DLGAP2: variants seen among roughly 807,000 people sequenced by gnomAD.
The protein encoded by DLGAP2 is DLG associated protein 2, also known as disks large-associated protein 2.
A neutral mutation model predicts 100.3 loss-of-function variants in DLGAP2; 26 were observed. That is an observed-to-expected ratio of 0.26 (90% CI 0.19 to 0.36). The LOEUF (loss-of-function observed/expected upper bound fraction) is 0.36, where lower values mean the gene tolerates loss of function less well. Among genes scored for constraint, DLGAP2 ranks in the 10% least tolerant of loss-of-function variants. The pLI, the probability that DLGAP2 is intolerant of heterozygous loss-of-function variation, is 1.00. For missense variants in DLGAP2, 1,858 were observed against 1,453.2 expected (o/e 1.28, Z -4.53); for synonymous variants, 886 against 630.1 (o/e 1.41, Z -6.08).
chr8:956,925 T>C lies in DLGAP2; in HGVS notation c.73+48959T>C, dbSNP rs77315295. Among the ~76,000 whole-genome samples, 848 of 152,332 alleles carry C rather than the reference T, an allele frequency of 5.6e-3. 7 individuals carry two copies. Among genetic ancestry groups the C allele is most frequent in the African/African-American group, 0.02 (819 of 41,574 alleles). On this transcript the variant is annotated intron_variant, in intron 2 of 14. Transcript: ENST00000637795. The stretch of plus-strand genomic sequence containing the variant: ...GAGAATGGATGAAATTGAGTTTTAA[T>C]TTTGTTTTCACATTTCACACCTCCC...
At chr8:866,726 G>A (rs375649473) in intron 1 of DLGAP2, among the ~76,000 whole-genome samples, 1 of 152,202 alleles carries the variant, frequency 6.6e-6, no homozygotes, top group Non-Finnish European at 1.5e-5. Context: ...CAGACGCTGT[G>A]TGCTGTGAGC....
chr8:1,607,464 A>G (rs1433736546), intron 6 of DLGAP2, among the ~76,000 whole-genome samples: 2 of 152,236 alleles, frequency 1.3e-5, no homozygotes, highest in Non-Finnish European at 2.9e-5. Flanking sequence ...CAATATTGCT[A>G]TCTTTTCTTA....
chr8:1,333,967 G>A (rs1217272709), intron 3 of DLGAP2, among the ~76,000 whole-genome samples: 1 of 152,232 alleles, frequency 6.6e-6, no homozygotes, highest in East Asian at 1.9e-4. Context: ...GGCCAACACG[G>A]CGAGAGCCAC....
intron 3 of DLGAP2, among the ~76,000 whole-genome samples, chr8:1,377,086 C>T (rs1010261447): frequency 3.3e-5 from 5 of 152,236 alleles, no homozygotes; most frequent in Non-Finnish European, 7.3e-5. Flanking sequence ...CCTGCCACTT[C>T]TGCAGGGAGC....
intron 4 of DLGAP2, among the ~76,000 whole-genome samples, chr8:1,506,319 C>G (rs527438103): frequency 6.6e-6 from 1 of 152,132 alleles, no homozygotes; most frequent in African/African-American, 2.4e-5. Flanking sequence ...ATAGAAATAG[C>G]GGAAGTGTAT....
At chr8:1,381,504 A>C (rs1308679988) in intron 3 of DLGAP2, 2 of 152,274 alleles carry the variant, frequency 1.3e-5, no homozygotes, top group East Asian at 3.8e-4. Flanking sequence ...GTCCTCATCC[A>C]GGCTGGACGG....
At chr8:1,508,264 C>T (rs1800003445) in intron 4 of DLGAP2, among the ~76,000 whole-genome samples, 1 of 149,998 alleles carries the variant, frequency 6.7e-6, no homozygotes, top group East Asian at 2.0e-4. Context: ...TGCTCCCGGG[C>T]TGCCCCCTGC....
At chr8:880,241 C>G (rs1170138247) in intron 1 of DLGAP2, among the ~76,000 whole-genome samples, 1 of 152,202 alleles carries the variant, frequency 6.6e-6, no homozygotes, top group East Asian at 1.9e-4. Flanking sequence ...TGACCACATC[C>G]TCCTAATCAA....
chr8:1,274,826 C>G (rs1008686101), intron 3 of DLGAP2, among the ~76,000 whole-genome samples: 3 of 151,170 alleles, frequency 2.0e-5, no homozygotes, highest in Non-Finnish European at 2.9e-5. Context: ...GCAAGAAACC[C>G]TCTTTCTCTT....
chr8:1,169,997 C>T (rs1797095113), intron 2 of DLGAP2, among the ~76,000 whole-genome samples: 1 of 151,702 alleles, frequency 6.6e-6, no homozygotes, highest in African/African-American at 2.4e-5. Flanking sequence ...TTTGCCCATT[C>T]AGTATGATAT....
intron 2 of DLGAP2, among the ~76,000 whole-genome samples, chr8:1,048,401 G>T (rs900839791): frequency 6.6e-6 from 1 of 152,060 alleles, no homozygotes; most frequent in African/African-American, 2.4e-5. Flanking sequence ...CCTGGTCTCA[G>T]TAAGTGCTGA....
intron 3 of DLGAP2, among the ~76,000 whole-genome samples, chr8:1,290,277 G>C (rs530644249): frequency 4.6e-5 from 7 of 152,320 alleles, no homozygotes; most frequent in Non-Finnish European, 7.3e-5. Context: ...TCCTGACGTG[G>C]CTACACACGG....
At chr8:1,544,828 G>A (rs1390480883) in intron 4 of DLGAP2, among the ~76,000 whole-genome samples, 1 of 151,908 alleles carries the variant, frequency 6.6e-6, no homozygotes, top group African/African-American at 2.4e-5. Flanking sequence ...TGCCTCCCGG[G>A]TTCAAGCGAT....
chr8:1,408,240 A>G (rs1327782164), intron 3 of DLGAP2, among the ~76,000 whole-genome samples: 1 of 152,164 alleles, frequency 6.6e-6, no homozygotes, highest in African/African-American at 2.4e-5. Flanking sequence ...TGTCCAACTC[A>G]TTCTCCACTT....
intron 2 of DLGAP2, among the ~76,000 whole-genome samples, chr8:952,997 C>T (rs1799516125): frequency 6.6e-6 from 1 of 152,154 alleles, no homozygotes; most frequent in Admixed American, 6.5e-5. Context: ...ATTATAGCAT[C>T]ATGCACTGGT....
At chr8:1,243,365 C>T (rs574770937) in intron 2 of DLGAP2, among the ~76,000 whole-genome samples, 61 of 152,286 alleles carry the variant, frequency 4.0e-4, no homozygotes, top group Admixed American at 2.9e-3. Context: ...CATGCATACA[C>T]CTACAAACCC....
chr8:1,461,210 G>A (rs374854490), intron 3 of DLGAP2, among the ~76,000 whole-genome samples: 3 of 133,728 alleles, frequency 2.2e-5, no homozygotes, highest in African/African-American at 5.6e-5. Flanking sequence ...TCGCTGATTC[G>A]GTGGCCAGGA....
intron 2 of DLGAP2, among the ~76,000 whole-genome samples, chr8:990,366 C>G (rs111891582): frequency 8.6e-6 from 1 of 116,126 alleles, no homozygotes; most frequent in Non-Finnish European, 1.8e-5. Context: ...CTTGCCCGGA[C>G]CCCCTGCACC....
intron 1 of DLGAP2, among the ~76,000 whole-genome samples, chr8:852,701 G>A (rs1169744243): frequency 1.3e-5 from 2 of 151,360 alleles, no homozygotes; most frequent in African/African-American, 2.4e-5. Context: ...CTACTTCAAC[G>A]TTTCTGTAAA....
Sources: allele counts gnomAD v4.1 joint callset (sites outside exome capture counted in the v4.1 genomes callset), GRCh38; gene constraint gnomAD v4.1.1; transcripts MANE v1.5; gene names NCBI Gene and HGNC (gene_info 2026-07-23, HGNC 2026-07-21).